The following KPNA1 variants were observed in gnomAD, a reference collection of about 807,000 sequenced individuals.
KPNA1 encodes the protein karyopherin subunit alpha 1.
A neutral mutation model predicts 70.5 loss-of-function variants in KPNA1; 10 were observed. That is an observed-to-expected ratio of 0.14 (90% confidence interval 0.09 to 0.24). The LOEUF (loss-of-function observed/expected upper bound fraction) is 0.24, where lower values mean the gene tolerates loss of function less well. Among genes scored for constraint, KPNA1 ranks in the 10% least tolerant of loss-of-function variants. The pLI is 1.00. For missense variants in KPNA1, 397 were observed against 637.9 expected, an observed-to-expected ratio of 0.62 and a Z score of 4.07; for synonymous variants, 192 against 221.9, an observed-to-expected ratio of 0.87 and a Z score of 1.20.
At chr3:122,447,343 C>A (rs1191051649) in intron 9 of KPNA1, among the ~76,000 whole-genome samples, 2 of 152,206 alleles carry the variant, frequency 1.3e-5, no homozygotes, top group East Asian at 1.9e-4. Context: ...TCGGCTTCAT[C>A]CCTGGGATGC....
At chr3:122,430,543 T>G (rs575190185) in intron 12 of KPNA1, among the ~76,000 whole-genome samples, 2 of 119,022 alleles carry the variant, frequency 1.7e-5, no homozygotes, top group Non-Finnish European at 3.9e-5. Flanking sequence ...TGTGTGTGTG[T>G]GGTTTCTCAA....
chr3:122,504,252 G>C (rs927778080), intron 1 of KPNA1, among the ~76,000 whole-genome samples: 1 of 152,110 alleles, frequency 6.6e-6, no homozygotes, highest in Non-Finnish European at 1.5e-5. Context: ...TCAAGACCCT[G>C]GCTAATTCAG....
At chr3:122,504,881 G>C (rs373090321) in intron 1 of KPNA1, among the ~76,000 whole-genome samples, 13 of 152,142 alleles carry the variant, frequency 8.5e-5, no homozygotes, top group African/African-American at 2.9e-4. Context: ...GGATGGAGAG[G>C]GGATTACATT....
At chr3:122,479,995 T>C (rs1224687918) in intron 2 of KPNA1, among the ~76,000 whole-genome samples, 2 of 152,076 alleles carry the variant, frequency 1.3e-5, no homozygotes, top group Admixed American at 1.3e-4. Flanking sequence ...AGAAATGAGC[T>C]ATGAAGCCGT....
At chr3:122,478,983 A>G (rs1215481984) in intron 2 of KPNA1, among the ~76,000 whole-genome samples, 1 of 151,400 alleles carries the variant, frequency 6.6e-6, no homozygotes, top group East Asian at 1.9e-4. Flanking sequence ...ATTGGTAATG[A>G]TATTTTAGAT....
intron 9 of KPNA1, among the ~76,000 whole-genome samples, chr3:122,448,385 C>T (rs1191079453): frequency 6.6e-6 from 1 of 152,158 alleles, no homozygotes; most frequent in Non-Finnish European, 1.5e-5. Flanking sequence ...AAATGTGGTA[C>T]ATATACACCA....
intron 1 of KPNA1, among the ~76,000 whole-genome samples, chr3:122,502,894 G>A (rs1252491951): frequency 6.6e-6 from 1 of 151,954 alleles, no homozygotes; most frequent in Non-Finnish European, 1.5e-5. Context: ...AAGGTGGGAG[G>A]ATCACTTGAG....
At chr3:122,495,151 G>A (rs918675795) in intron 2 of KPNA1, among the ~76,000 whole-genome samples, 1 of 151,572 alleles carries the variant, frequency 6.6e-6, no homozygotes, top group African/African-American at 2.4e-5. Flanking sequence ...TCAGGAGGCT[G>A]AGACAGGAGA....
At chr3:122,437,924 A>G (rs1430125422) in intron 10 of KPNA1, among the ~76,000 whole-genome samples, 1 of 152,258 alleles carries the variant, frequency 6.6e-6, no homozygotes, top group Non-Finnish European at 1.5e-5. Context: ...GCAGCTATTT[A>G]TAAAGTTTAT....
chr3:122,445,369 G>GAAGAGTTTTCAA (rs2076123506), intron 9 of KPNA1, among the ~76,000 whole-genome samples: 1 of 152,052 alleles, frequency 6.6e-6, no homozygotes, highest in Non-Finnish European at 1.5e-5. Context: ...AGAGTAAAAA[G>GAAGAGTTTTCAA]AAGAGTTTTC....
At position 122,464,052 on chromosome 3, in the gene KPNA1, A is replaced by C; in HGVS notation, c.238-11T>G. 1 of 1,452,578 alleles carries C rather than the reference A, an allele frequency of 6.9e-7. No homozygotes were observed. Among genetic ancestry groups the C allele is most frequent in the Non-Finnish European group, 9.5e-7 (1 of 1,055,390 alleles). The allele number at this position is 1,452,578 out of a possible 1,614,324, so 90.0% of individuals were successfully genotyped here. ...AGTGATGACACCACCCTGCGATCAC[A>C]AACAAAAAGAACATATAATAAATTA... On this transcript the variant is annotated splice_polypyrimidine_tract_variant and intron_variant, in intron 3 of 13. Transcript: ENST00000344337.
chr3:122,486,286 C>A (rs2076627867), intron 2 of KPNA1, among the ~76,000 whole-genome samples: 2 of 152,090 alleles, frequency 1.3e-5, no homozygotes, highest in South Asian at 4.1e-4. Flanking sequence ...GAATACTATT[C>A]AATTATAAAA....
intron 2 of KPNA1, among the ~76,000 whole-genome samples, chr3:122,481,780 T>C (rs1339470273): frequency 6.6e-6 from 1 of 152,204 alleles, no homozygotes; most frequent in Non-Finnish European, 1.5e-5. Context: ...AGATAAATAA[T>C]ATATCAGAAA....
At chr3:122,439,460 G>C (rs1448884885) in intron 10 of KPNA1, among the ~76,000 whole-genome samples, 1 of 151,980 alleles carries the variant, frequency 6.6e-6, no homozygotes, top group Non-Finnish European at 1.5e-5. Context: ...AAAAAGCTAG[G>C]AATACAAGCA....
At chr3:122,493,739 C>T (rs986859495) in intron 2 of KPNA1, among the ~76,000 whole-genome samples, 3 of 152,160 alleles carry the variant, frequency 2.0e-5, no homozygotes, top group African/African-American at 7.2e-5. Flanking sequence ...TACCCTATCA[C>T]CACACTGGCT....
chr3:122,491,761 C>T (rs576683914), intron 2 of KPNA1, among the ~76,000 whole-genome samples: 3 of 149,828 alleles, frequency 2.0e-5, no homozygotes, highest in East Asian at 3.9e-4. Context: ...AGAGATGTAC[C>T]ACGGTATCTA....
At chr3:122,468,188 C>A (rs2076402597) in intron 2 of KPNA1, among the ~76,000 whole-genome samples, 1 of 152,136 alleles carries the variant, frequency 6.6e-6, no homozygotes, top group Non-Finnish European at 1.5e-5. Flanking sequence ...CCAAGATAAG[C>A]CCCAATACTG....
chr3:122,437,821 A>C (rs2107723295), intron 10 of KPNA1, among the ~76,000 whole-genome samples: 1 of 148,502 alleles, frequency 6.7e-6, no homozygotes, highest in South Asian at 2.1e-4. Flanking sequence ...CTCTACTAGA[A>C]ACTAAAATAA....
At chr3:122,438,418 C>A (rs1006181748) in intron 10 of KPNA1, among the ~76,000 whole-genome samples, 6 of 151,214 alleles carry the variant, frequency 4.0e-5, no homozygotes, top group African/African-American at 1.5e-4. Context: ...CAGAGTTTCG[C>A]TCCTGTTGCC....
Sources: allele counts gnomAD v4.1 joint callset (sites outside exome capture counted in the v4.1 genomes callset), GRCh38; gene constraint gnomAD v4.1.1; transcripts MANE v1.5; gene names NCBI Gene and HGNC (gene_info 2026-07-23, HGNC 2026-07-21).